ATXN2L: variants seen among roughly 807,000 people sequenced by gnomAD.
ATXN2L encodes the protein ataxin 2 like.
In ATXN2L, 24 loss-of-function variants were observed where a neutral mutation model predicts 120.7. The ratio of observed to expected loss-of-function variants is 0.20; its 90% CI spans 0.14 to 0.28. ATXN2L has a LOEUF of 0.28. ATXN2L is among the 10% of genes least tolerant of loss of function. ATXN2L has a pLI of 1.00. For synonymous variants in ATXN2L, 653 were observed against 568.1 expected, an observed-to-expected ratio of 1.15 and a Z score of -2.13; for missense variants, 1,312 against 1,432.3, an observed-to-expected ratio of 0.92 and a Z score of 1.36.
rs200459972 is a variant in ATXN2L at position 28,835,333 on chromosome 16, G to A, written c.2619G>A (p.Pro873=). Residue 873 remains proline, a synonymous_variant, in exon 20 of 22, where the codon CCG becomes CCA. Transcript: ENST00000336783. ...CCACACAGCTCCATGCCCACCAGCC[G>A]CAGCCGGCTACCACGCCTACTGGAA... The part of the protein sequence containing the change: ...HHATQLHAHQ[P]QPATTPTGSQ... The A allele has an allele frequency of 1.2e-4, 186 of 1,613,434 alleles. No homozygotes were observed. In the African/African-American group the frequency reaches 1.7e-3, roughly 15 times the overall value.
intron 6 of ATXN2L, among the ~76,000 whole-genome samples, chr16:28,828,812 G>A (rs2053249118): frequency 6.6e-6 from 1 of 152,126 alleles, no homozygotes; most frequent in African/African-American, 2.4e-5. Flanking sequence ...CTGGAGTGCA[G>A]TGGCTCGATC....
chr16:28,832,105 T>C, intron 10 of ATXN2L, 100 bp from the exon 11 acceptor site: 1 of 1,302,794 alleles, frequency 7.7e-7, no homozygotes, highest in Non-Finnish European at 1.1e-6. Context: ...GTGACTCTGG[T>C]TGTATAGTGT....
chr16:28,835,121 G>A lies in ATXN2L; in HGVS notation c.2497G>A (p.Ala833Thr). 6.2e-7 allele frequency: 1 copy of A among 1,613,948 alleles called. No individual in the cohort carries two copies. Among genetic ancestry groups the A allele is most frequent in the African/African-American group, 1.3e-5 (1 of 75,018 alleles). The change falls in exon 19 of 22, where the codon GCC becomes ACC. Residue 833 changes from alanine (A) to threonine (T), a missense_variant. Coordinates refer to ENST00000336783, the MANE Select transcript of ATXN2L (RefSeq NM_007245.4). ...RMLTSGSHPQ[A>T]IVSSSTPQYP... ...GCTGACGTCGGGCAGCCATCCCCAG[G>A]CCATCGTGTCATCCTCTACCCCTCA...
intron 10 of ATXN2L, 52 bp downstream of exon 10, chr16:28,831,124 A>G: frequency 8.3e-7 from 1 of 1,204,116 alleles, no homozygotes; most frequent in Non-Finnish European, 1.2e-6. Flanking sequence ...TTGTAAAGAG[A>G]TGTAAATATG....
chr16:28,826,945 G>T lies in ATXN2L; in HGVS notation c.700G>T (p.Gly234Cys). The T allele has an allele frequency of 1.9e-6, 3 of 1,584,232 alleles. No individual in the cohort carries two copies. The highest frequency in any genetic ancestry group is 1.2e-5 in the South Asian group (1 of 86,732). Reference protein sequence around the residue: ...KEKVLQRWEGGDSNSDDYDLE... With the variant: ...KEKVLQRWEGCDSNSDDYDLE... Reference sequence around the variant, plus strand: ...GAAGGTGCTTCAGCGCTGGGAGGGGGGTGACAGCAACAGCGACGACTATGA... The same window carrying T: ...GAAGGTGCTTCAGCGCTGGGAGGGGTGTGACAGCAACAGCGACGACTATGA... The change falls in exon 6 of 22, where the codon GGT becomes TGT. Residue 234 changes from glycine (G) to cysteine (C), a missense_variant. Physicochemically the swap from Gly to Cys is radical, Grantham distance 159 (BLOSUM62 -3). Transcript: ENST00000336783.
chr16:28,824,039 C>A, intron 1 of ATXN2L: 1 of 948,466 alleles, frequency 1.1e-6, no homozygotes, highest in African/African-American at 1.8e-5. Context: ...TGCTGCCTCC[C>A]CCTTCCCGGT....
chr16:28,836,749 A>C lies in ATXN2L; in HGVS notation c.*484A>C. The C allele has an allele frequency of 6.2e-7, 1 of 1,613,642 alleles. No homozygotes were observed. The highest frequency in any genetic ancestry group is 8.5e-7 in the Non-Finnish European group (1 of 1,179,908). On this transcript the variant is annotated 3_prime_UTR_variant, in exon 22 of 22. Coordinates refer to ENST00000336783, the MANE Select transcript of ATXN2L (RefSeq NM_007245.4). ...CCAGTTCAATCTCATCCCTCCCAGC[A>C]GCTCCCCTTCCACCCCCCGGGGAAC... is the stretch of plus-strand genomic sequence containing the variant.
Position 28,833,467 on chromosome 16 carries a change from A to C in ATXN2L, c.1984A>C (p.Asn662His), listed in dbSNP as rs761693050. The C allele has an allele frequency of 2.5e-6, 4 of 1,614,036 alleles. No homozygotes were observed. In the East Asian group the frequency reaches 6.7e-5, roughly 27 times the overall value. Residue 662 changes from asparagine (N) to histidine (H), a missense_variant, in exon 15 of 22, where the codon AAT becomes CAT. By Grantham distance (68) the Asn-to-His change is moderately conservative. Coordinates refer to ENST00000336783, the MANE Select transcript of ATXN2L (RefSeq NM_007245.4). ...EQVKKSTLNP[N>H]AKEFNPTKPL... is the part of the protein sequence containing the mutation. ...AGTAAAGAAATCAACGTTGAACCCT[A>C]ATGCTAAGGAGTTCAATCCTACAAA... is the stretch of plus-strand genomic sequence containing the variant.
chr16:28,836,765 C>T lies in ATXN2L; in HGVS notation c.*500C>T, dbSNP rs369408350. 8 of 1,614,070 alleles carry T rather than the reference C, an allele frequency of 5.0e-6. No homozygotes were observed. The highest frequency in any genetic ancestry group is 5.9e-6 in the Non-Finnish European group (7 of 1,179,978). ...CCTCCCAGCAGCTCCCCTTCCACCC[C>T]CCGGGGAACTGAAGATTGTCCTGGC... On this transcript the variant is annotated 3_prime_UTR_variant, in exon 22 of 22. Coordinates refer to ENST00000336783, the MANE Select transcript of ATXN2L (RefSeq NM_007245.4).
chr16:28,823,169 C>T lies in ATXN2L; in HGVS notation c.-91C>T. 1.1e-6 allele frequency: 1 copy of T among 886,958 alleles called. No individual in the cohort carries two copies. Among genetic ancestry groups the T allele is most frequent in the Non-Finnish European group, 1.5e-6 (1 of 669,264 alleles). 54.9% of individuals were successfully genotyped at this position (886,958 alleles called of 1,614,324 possible). On this transcript the variant is annotated 5_prime_UTR_variant, in exon 1 of 22. Coordinates refer to ENST00000336783, the MANE Select transcript of ATXN2L (RefSeq NM_007245.4). ...CACGGCGGGCCCCGGCTGCCCGATC[C>T]CCCTCGCTTCCCGCGCTCTCCAGCG...
At position 28,836,075 on chromosome 16, in the gene ATXN2L, T is replaced by A; in HGVS notation, c.3038T>A (p.Leu1013His). ...GAVPQSGVPA[L>H]SASTPSPYPY... is the part of the protein sequence containing the mutation. Reference sequence around the variant, plus strand: ...GTGCCCCAGAGTGGGGTGCCTGCACTCTCAGCTTCCACACCCTCACCCTAC... The same window carrying A: ...GTGCCCCAGAGTGGGGTGCCTGCACACTCAGCTTCCACACCCTCACCCTAC... Residue 1013 changes from leucine to histidine, a missense_variant, in exon 22 of 22, where the codon CTC (leucine) becomes CAC (histidine). Transcript: ENST00000336783. 6.3e-7 allele frequency: 1 copy of A among 1,599,470 alleles called. No individual in the cohort carries two copies. Among genetic ancestry groups the A allele is most frequent in the Non-Finnish European group, 8.5e-7 (1 of 1,170,504 alleles).
chr16:28,830,594 T>C, intron 8 of ATXN2L, 21 bp from the exon 9 acceptor site: 1 of 1,537,324 alleles, frequency 6.5e-7, no homozygotes, highest in South Asian at 1.2e-5. Context: ...CTACCTGGCC[T>C]TATTTGAACT....
At position 28,836,400 on chromosome 16, in the gene ATXN2L, T is replaced by C; in HGVS notation, c.*135T>C. ...TGGCTCTGTCCTTTGCTTCCCTCCG[T>C]CCTCGCTCAGTTGTGATCCAGCAGC... On this transcript the variant is annotated 3_prime_UTR_variant, in exon 22 of 22. Transcript: ENST00000336783. 1 of 1,613,204 alleles carries C rather than the reference T, an allele frequency of 6.2e-7. No individual in the cohort carries two copies. Among genetic ancestry groups the C allele is most frequent in the South Asian group, 1.1e-5 (1 of 91,060 alleles).
At chr16:28,828,109 A>G (rs1334475412) in intron 6 of ATXN2L, among the ~76,000 whole-genome samples, 3 of 152,064 alleles carry the variant, frequency 2.0e-5, no homozygotes, top group South Asian at 4.1e-4. Flanking sequence ...TTCCTTAATC[A>G]TCTGCATTTG....
Position 28,823,535 on chromosome 16 carries a change from G to T in ATXN2L, c.276G>T (p.Gly92=). 1 of 1,372,946 alleles carries T rather than the reference G, an allele frequency of 7.3e-7. No homozygotes were observed. The highest frequency in any genetic ancestry group is 3.5e-5 in the Admixed American group (1 of 28,862). 85.0% of individuals were successfully genotyped at this position (1,372,946 alleles called of 1,614,324 possible). Residue 92 remains glycine, a synonymous_variant, in exon 1 of 22, where the codon GGG becomes GGT. Transcript: ENST00000336783. ...PPPQQHQERP[G]AAAIGSARGQ... is the part of the protein sequence containing the mutation. ...CGCAGCAACACCAGGAGAGGCCGGGGGCAGCCGCCATCGGCAGCGCCAGGT... is the reference window on the plus strand; with the variant it reads ...CGCAGCAACACCAGGAGAGGCCGGGTGCAGCCGCCATCGGCAGCGCCAGGT...
chr16:28,831,495 T>G (rs896526992), intron 10 of ATXN2L, among the ~76,000 whole-genome samples: 3 of 152,052 alleles, frequency 2.0e-5, no homozygotes, highest in Non-Finnish European at 4.4e-5. Context: ...GGCTGGCTAA[T>G]TTTTTTGTAT....
chr16:28,830,552 G>C, intron 8 of ATXN2L, 63 bp from the exon 9 acceptor site: 10 of 1,451,248 alleles, frequency 6.9e-6, no homozygotes, highest in Non-Finnish European at 9.3e-6. Context: ...AAGAAGAAAT[G>C]GCTTCATCTT....
chr16:28,826,718 T>C, intron 5 of ATXN2L, 144 bp from the exon 6 acceptor site: 1 of 989,658 alleles, frequency 1.0e-6, no homozygotes, highest in Non-Finnish European at 1.4e-6. Context: ...CCCCACCCCC[T>C]GGCCATCCTA....
rs1240690833 is a variant in ATXN2L, at chr16:28,834,567, G to A, written c.2307G>A (p.Gln769=). ...HQPASAPPMM[Q]AAAAAGPPLV... ...CAGCCTCAGCCCCGCCGATGATGCA[G>A]GCCGCCGCGGCTGCTGGCCCGCCTC... is the stretch of plus-strand genomic sequence containing the variant. Residue 769 remains glutamine (Q), a synonymous_variant, in exon 18 of 22, where the codon CAG becomes CAA. Transcript: ENST00000336783. The A allele has an allele frequency of 8.1e-6, 13 of 1,612,596 alleles. No individual in the cohort carries two copies. The highest frequency in any genetic ancestry group is 1.1e-5 in the Non-Finnish European group (13 of 1,179,840).
Sources: allele counts gnomAD v4.1 joint callset (sites outside exome capture counted in the v4.1 genomes callset), GRCh38; gene constraint gnomAD v4.1.1; transcripts MANE v1.5; gene names NCBI Gene and HGNC (gene_info 2026-07-23, HGNC 2026-07-21).